The following LRIG2 variants were observed in gnomAD, a reference collection of about 807,000 sequenced individuals.
The protein encoded by LRIG2 is leucine rich repeats and immunoglobulin like domains 2.
LRIG2 carries 93 observed loss-of-function variants against 107.8 expected under a neutral mutation model. The ratio of observed to expected loss-of-function variants is 0.86; its 90% CI spans 0.73 to 1.03. LRIG2 has a LOEUF of 1.03. Ranked by LOEUF, LRIG2 falls within the 50% of genes least tolerant of loss-of-function variation. The probability of loss-of-function intolerance (pLI) is 0.00; values close to 1 mark genes in which losing one functional copy is unlikely to be tolerated. For synonymous variants in LRIG2, 471 were observed against 470.6 expected (o/e 1.00, Z -0.01); for missense variants, 1,226 against 1,296.0 (o/e 0.95, Z 0.83).
In LRIG2 at chr1:113,093,244, T is replaced by C; in HGVS notation, c.344T>C (p.Phe115Ser). The C allele has an allele frequency of 6.3e-7, 1 of 1,599,510 alleles. No homozygotes were observed. The highest frequency in any genetic ancestry group is 1.1e-5 in the South Asian group (1 of 87,494). Reference sequence around the variant, plus strand: ...AATGAACTAACAGAAATCCCGTATTTTGGAGAACCTACATCTAATATTACT... The same window carrying C: ...AATGAACTAACAGAAATCCCGTATTCTGGAGAACCTACATCTAATATTACT... ...NYNELTEIPY[F>S]GEPTSNITLL... Residue 115 changes from phenylalanine (F) to serine (S), a missense_variant, in exon 3 of 18, where the codon TTT becomes TCT. Physicochemically the swap from Phe to Ser is radical, Grantham distance 155. Transcript: ENST00000361127.
chr1:113,093,205 G>C lies in LRIG2; in HGVS notation c.306-1G>C. ...TTAAATCTGTTTTTCCTCTTGCCTA[G>C]GAAAATGAATTACAATGAACTAACA... On this transcript the variant is annotated splice_acceptor_variant, in intron 2 of 17. Transcript: ENST00000361127. LOFTEE classifies it high-confidence loss of function. 6.3e-7 allele frequency: 1 copy of C among 1,582,788 alleles called. No homozygotes were observed. The highest frequency in any genetic ancestry group is 8.6e-7 in the Non-Finnish European group (1 of 1,159,034).
intron 1 of LRIG2, among the ~76,000 whole-genome samples, chr1:113,078,529 A>G (rs1653098437): frequency 6.6e-6 from 1 of 151,856 alleles, no homozygotes; most frequent in African/African-American, 2.4e-5. Context: ...TTAAAAGAGT[A>G]TGAGCTCACT....
Position 113,095,972 on chromosome 1 carries a change from G to GA in LRIG2, c.904dup (p.Ile302AsnfsTer4). ...TATGTGAGCCAGAATGCTATTGAAA[G>GA]AATCAGCCCTGATGCATGGGAGTTC... On this transcript the variant is annotated frameshift_variant, in exon 7 of 18. Coordinates refer to ENST00000361127, the MANE Select transcript of LRIG2 (RefSeq NM_014813.3). LOFTEE classifies it high-confidence loss of function. 6.2e-7 allele frequency: 1 copy of GA among 1,614,212 alleles called. No homozygotes were observed. Among genetic ancestry groups the GA allele is most frequent in the Non-Finnish European group, 8.5e-7 (1 of 1,180,042 alleles).
chr1:113,091,389 T>C lies in LRIG2; in HGVS notation c.305+6T>C. 2 of 1,534,368 alleles carry C rather than the reference T, an allele frequency of 1.3e-6. No homozygotes were observed. Among genetic ancestry groups the C allele is most frequent in the Admixed American group, 1.8e-5 (1 of 56,156 alleles). ...TCACAAACATTACAGGAAGTGTAAG[T>C]TATTTTTATTTATTTAAAGTTATGT... On this transcript the variant is annotated splice_donor_region_variant and intron_variant, in intron 2 of 17. Coordinates refer to ENST00000361127, the MANE Select transcript of LRIG2 (RefSeq NM_014813.3).
chr1:113,129,699 A>G lies in LRIG2; in HGVS notation c.*5598A>G, dbSNP rs1403133328. Reference sequence around the variant, plus strand: ...CTAATGCTAATCAGGAATGTTGCAAACTGAAATGCTCCTTTCCCCACTGCC... The same window carrying G: ...CTAATGCTAATCAGGAATGTTGCAAGCTGAAATGCTCCTTTCCCCACTGCC... On this transcript the variant is annotated 3_prime_UTR_variant, in exon 18 of 18. Transcript: ENST00000361127. 2 of 152,222 alleles carry G rather than the reference A, an allele frequency of 1.3e-5. No individual in the cohort carries two copies. Among genetic ancestry groups the G allele is most frequent in the African/African-American group, 4.8e-5 (2 of 41,452 alleles). 9.4% of individuals were successfully genotyped at this position (152,222 alleles called of 1,614,324 possible). A position where few individuals can be genotyped will look rare whatever the true frequency, so the allele number is the denominator to read the frequency against.
chr1:113,083,505 C>G (rs1174312194), intron 1 of LRIG2, among the ~76,000 whole-genome samples: 1 of 151,404 alleles, frequency 6.6e-6, no homozygotes. Context: ...GCCACCACAC[C>G]CGGCTAATTT....
At position 113,115,850 on chromosome 1, in the gene LRIG2, A is replaced by T. The variant is rs1009015906; in HGVS notation, c.2531-437A>T. Among the ~76,000 whole-genome samples, 87 of 152,328 alleles carry T rather than the reference A, an allele frequency of 5.7e-4. 1 individual carries two copies. The highest frequency in any genetic ancestry group is 2.1e-3 in the African/African-American group (87 of 41,588). On this transcript the variant is annotated intron_variant, in intron 15 of 17. Coordinates refer to ENST00000361127, the MANE Select transcript of LRIG2 (RefSeq NM_014813.3). The stretch of plus-strand genomic sequence containing the variant: ...CAAACTTTACTTCTAAAAACGCATT[A>T]CAGATGCATTCTTTTTAATGTCTAA...
chr1:113,074,503 A>G (rs1450030062), intron 1 of LRIG2, among the ~76,000 whole-genome samples: 1 of 152,206 alleles, frequency 6.6e-6, no homozygotes, highest in East Asian at 1.9e-4. Flanking sequence ...AACAGCAGGT[A>G]TTAAATGCTG....
In LRIG2 at chr1:113,112,517, A is replaced by G. The variant is rs377633973; in HGVS notation, c.1837A>G (p.Ile613Val). 8.1e-6 allele frequency: 13 copies of G among 1,613,140 alleles called. No homozygotes were observed. Among genetic ancestry groups the G allele is most frequent in the East Asian group, 4.5e-5 (2 of 44,854 alleles). Residue 613 changes from isoleucine (I) to valine (V), a missense_variant, in exon 14 of 18, where the codon ATT becomes GTT. Around this residue, in one of 3 missense-constraint regions of LRIG2, gnomAD observed 642 missense variants for 712.2 expected, o/e 0.90. Transcript: ENST00000361127. ...TCTGAAAACGCCAATGGATCTGACT[A>G]TTCGCACTGGTGCCATGGCCAGATT... ...SFLKTPMDLT[I>V]RTGAMARLEC...
chr1:113,083,242 T>C (rs1476757375), intron 1 of LRIG2, among the ~76,000 whole-genome samples: 3 of 139,302 alleles, frequency 2.2e-5, no homozygotes, highest in South Asian at 4.7e-4. Context: ...TTTTTTGATA[T>C]GGAGTCTCCC....
intron 9 of LRIG2, among the ~76,000 whole-genome samples, chr1:113,099,638 T>C (rs1356540215): frequency 2.0e-5 from 3 of 152,152 alleles, no homozygotes; most frequent in Non-Finnish European, 4.4e-5. Context: ...TTTATGGAAG[T>C]AGAATTTCTA....
rs398053355 is a variant in LRIG2, at chr1:113,116,443, ACT to A, written c.2680+10_2680+11del. The A allele has an allele frequency of 0.84, 1,326,552 of 1,586,146 alleles. 558,203 individuals carry two copies. The highest frequency in any genetic ancestry group is 0.96 in the East Asian group (41,910 of 43,796). Reference sequence around the variant, plus strand: ...ATACACAAAGGCACTGACGGTAATGACTCTGTTGTTTATGGTTACAATTTCAG... The same window carrying A: ...ATACACAAAGGCACTGACGGTAATGACTGTTGTTTATGGTTACAATTTCAG... On this transcript the variant is annotated splice_region_variant and intron_variant, in intron 16 of 17. Transcript: ENST00000361127.
rs956916944 is a variant in LRIG2 at position 113,093,458 on chromosome 1, G to T, written c.409G>T (p.Ala137Ser). The change falls in exon 4 of 18, where the codon GCA (alanine) becomes TCA (serine). Residue 137 changes from alanine (A) to serine (S), a missense_variant. Ala to Ser is a moderately conservative substitution (Grantham distance 99, BLOSUM62 1). Coordinates refer to ENST00000361127, the MANE Select transcript of LRIG2 (RefSeq NM_014813.3). ...CCATAATATAATCCCAGAAATAAAT[G>T]CACAGGCACTCCAGTTTTACCCTGC... is the stretch of plus-strand genomic sequence containing the variant. ...LVHNIIPEIN[A>S]QALQFYPALE... The T allele has an allele frequency of 2.5e-6, 4 of 1,613,502 alleles. No homozygotes were observed. The African/African-American group carries it at 5.3e-5, about 22-fold the overall frequency.
At chr1:113,092,999 A>G (rs1219231419) in intron 2 of LRIG2, among the ~76,000 whole-genome samples, 1 of 151,816 alleles carries the variant, frequency 6.6e-6, no homozygotes, top group African/African-American at 2.4e-5. Flanking sequence ...CAAAAAAAAA[A>G]GAAAAAAAAA....
At chr1:113,108,140 T>C (rs1304388142) in intron 12 of LRIG2, among the ~76,000 whole-genome samples, 2 of 152,132 alleles carry the variant, frequency 1.3e-5, no homozygotes, top group African/African-American at 4.8e-5. Context: ...AACATTAAAG[T>C]GGCAGAGTTT....
chr1:113,101,357 C>T (rs1340917019), intron 11 of LRIG2, among the ~76,000 whole-genome samples: 5 of 152,066 alleles, frequency 3.3e-5, no homozygotes, highest in Non-Finnish European at 5.9e-5. Flanking sequence ...CGTGAGCCAC[C>T]GGTCCCGCCT....
intron 11 of LRIG2, among the ~76,000 whole-genome samples, chr1:113,104,588 G>C (rs1174649582): frequency 6.6e-6 from 1 of 151,330 alleles, no homozygotes; most frequent in African/African-American, 2.4e-5. Context: ...CACGATCTCA[G>C]CTCACTGCAG....
chr1:113,124,437 C>T lies in LRIG2; in HGVS notation c.*336C>T. On this transcript the variant is annotated 3_prime_UTR_variant, in exon 18 of 18. Transcript: ENST00000361127. ...CATTGCTGCTTAACATGCTGGATTG[C>T]CCTAGTCTTCAGAATGGTCCTGAGA... 1 of 342,136 alleles carries T rather than the reference C, an allele frequency of 2.9e-6. No individual in the cohort carries two copies. Among genetic ancestry groups the T allele is most frequent in the African/African-American group, 2.1e-5 (1 of 47,568 alleles). The allele number at this position is 342,136 out of a possible 1,614,324, so 21.2% of individuals were successfully genotyped here.
At chr1:113,116,067 C>T (rs896958305) in intron 15 of LRIG2, among the ~76,000 whole-genome samples, 1 of 152,088 alleles carries the variant, frequency 6.6e-6, no homozygotes, top group African/African-American at 2.4e-5. Context: ...AAGATTTCAA[C>T]CTTTAGGTTT....
Sources: gnomAD v4.1 joint callset for allele counts (sites outside exome capture counted in the v4.1 genomes callset) on GRCh38, gnomAD v4.1.1 for gene constraint, gnomAD v4.1.1 regional missense constraint, MANE v1.5 for transcripts, NCBI Gene and HGNC (gene_info 2026-07-23, HGNC 2026-07-21) for gene names.